The following SLC24A3 variants were observed in gnomAD, a reference collection of about 807,000 sequenced individuals.
SLC24A3 encodes the protein solute carrier family 24 member 3.
A neutral mutation model predicts 75.8 loss-of-function variants in SLC24A3; 28 were observed. The ratio of observed to expected loss-of-function variants is 0.37; its 90% CI spans 0.27 to 0.51. The LOEUF (loss-of-function observed/expected upper bound fraction) is 0.51. Ranked by LOEUF, SLC24A3 falls within the 20% of genes least tolerant of loss-of-function variation. The probability of loss-of-function intolerance (pLI) is 0.94; values close to 1 mark genes in which losing one functional copy is unlikely to be tolerated. For synonymous variants in SLC24A3, 372 were observed against 334.1 expected (o/e 1.11, Z -1.24); for missense variants, 663 against 847.8 (o/e 0.78, Z 2.71).
At chr20:19,567,522 G>T (rs887290950) in intron 3 of SLC24A3, among the ~76,000 whole-genome samples, 1 of 152,304 alleles carries the variant, frequency 6.6e-6, no homozygotes, top group East Asian at 1.9e-4. Context: ...GGGGTGGGAG[G>T]AAGGTGAGGA....
At chr20:19,670,600 G>A (rs375558083) in intron 8 of SLC24A3, among the ~76,000 whole-genome samples, 21 of 152,286 alleles carry the variant, frequency 1.4e-4, no homozygotes, top group African/African-American at 3.6e-4. Flanking sequence ...TCATTTTCTG[G>A]TGACTTCTCA....
At chr20:19,275,189 G>A (rs1393668825) in intron 1 of SLC24A3, among the ~76,000 whole-genome samples, 2 of 152,152 alleles carry the variant, frequency 1.3e-5, no homozygotes, top group Non-Finnish European at 2.9e-5. Flanking sequence ...TGCCCCTAAG[G>A]CCACTTCCCT....
intron 6 of SLC24A3, among the ~76,000 whole-genome samples, chr20:19,626,971 C>G (rs2031874237): frequency 6.6e-6 from 1 of 152,200 alleles, no homozygotes; most frequent in South Asian, 2.1e-4. Flanking sequence ...ATTCCTGCTT[C>G]TAACTGAAAA....
intron 2 of SLC24A3, among the ~76,000 whole-genome samples, chr20:19,422,268 A>C (rs1462950522): frequency 6.6e-6 from 1 of 152,186 alleles, no homozygotes; most frequent in Non-Finnish European, 1.5e-5. Flanking sequence ...TAGCCTCCGC[A>C]CTAAACAGGT....
intron 2 of SLC24A3, among the ~76,000 whole-genome samples, chr20:19,326,887 T>A (rs1354431064): frequency 1.3e-5 from 2 of 152,226 alleles, no homozygotes; most frequent in Admixed American, 1.3e-4. Flanking sequence ...GCTTGTTTCC[T>A]TTGTTTTACA....
chr20:19,289,985 T>C (rs577574763), intron 2 of SLC24A3, among the ~76,000 whole-genome samples: 15 of 152,294 alleles, frequency 9.8e-5, no homozygotes, highest in Non-Finnish European at 1.8e-4. Flanking sequence ...TCACATAATC[T>C]GGGTTGCCAG....
chr20:19,453,307 G>T (rs561561274), intron 2 of SLC24A3, among the ~76,000 whole-genome samples: 15 of 152,226 alleles, frequency 9.9e-5, no homozygotes, highest in Non-Finnish European at 1.6e-4. Context: ...CTATGATCAT[G>T]ATCATGCCAC....
chr20:19,547,252 G>A (rs2030615917), intron 3 of SLC24A3, among the ~76,000 whole-genome samples: 2 of 152,192 alleles, frequency 1.3e-5, no homozygotes, highest in African/African-American at 2.4e-5. Context: ...TGTCCTATAA[G>A]CATTCAGCTA....
intron 13 of SLC24A3, among the ~76,000 whole-genome samples, chr20:19,695,179 A>G (rs749942308): frequency 5.3e-5 from 8 of 152,098 alleles, no homozygotes; most frequent in Admixed American, 2.0e-4. Flanking sequence ...CATCCCCCCA[A>G]TCTTTGAACA....
chr20:19,322,493 A>G (rs1252339414), intron 2 of SLC24A3, among the ~76,000 whole-genome samples: 3 of 151,574 alleles, frequency 2.0e-5, no homozygotes, highest in Non-Finnish European at 4.4e-5. Context: ...CCAATTTTGG[A>G]CATAAGAGCC....
At chr20:19,521,837 G>A (rs928354545) in intron 3 of SLC24A3, among the ~76,000 whole-genome samples, 4 of 152,180 alleles carry the variant, frequency 2.6e-5, no homozygotes, top group Non-Finnish European at 5.9e-5. Context: ...GGTCCTGGCA[G>A]GAGGTGCAGA....
chr20:19,350,533 T>C (rs1392343538), intron 2 of SLC24A3, among the ~76,000 whole-genome samples: 1 of 152,238 alleles, frequency 6.6e-6, no homozygotes, highest in Non-Finnish European at 1.5e-5. Context: ...AAAAGATATG[T>C]GTTGCTGTCT....
chr20:19,314,900 T>G (rs1434414208), intron 2 of SLC24A3, among the ~76,000 whole-genome samples: 1 of 152,236 alleles, frequency 6.6e-6, no homozygotes, highest in Non-Finnish European at 1.5e-5. Flanking sequence ...TTACACATGG[T>G]GTCTGCAATG....
chr20:19,432,085 G>A (rs1344635192), intron 2 of SLC24A3, among the ~76,000 whole-genome samples: 3 of 152,052 alleles, frequency 2.0e-5, no homozygotes, highest in Non-Finnish European at 2.9e-5. Context: ...ATCTGGTTGA[G>A]GTCATCAAAG....
At chr20:19,523,658 T>G (rs186351343) in intron 3 of SLC24A3, among the ~76,000 whole-genome samples, 11 of 152,148 alleles carry the variant, frequency 7.2e-5, no homozygotes, top group Non-Finnish European at 1.6e-4. Context: ...CCCATCTGAG[T>G]CGTAGTCCTG....
intron 2 of SLC24A3, among the ~76,000 whole-genome samples, chr20:19,475,993 A>G (rs6046129): frequency 0.67 from 102,283 of 152,112 alleles, 35,468 homozygotes; most frequent in African/African-American, 0.85. Flanking sequence ...CCTTGGCCAA[A>G]TCAGACAGAA....
At chr20:19,717,004 G>A (rs2033052542) in intron 15 of SLC24A3, among the ~76,000 whole-genome samples, 1 of 152,104 alleles carries the variant, frequency 6.6e-6, no homozygotes, top group African/African-American at 2.4e-5. Context: ...TTTTTCTTCT[G>A]TTTTGTTTGC....
intron 16 of SLC24A3, among the ~76,000 whole-genome samples, chr20:19,719,659 A>T (rs2033081488): frequency 6.6e-6 from 1 of 152,210 alleles, no homozygotes; most frequent in African/African-American, 2.4e-5. Context: ...TGAATGACCC[A>T]CTTAATGTCA....
rs562368137 is a variant in SLC24A3 at position 19,464,385 on chromosome 20, G to A, written c.272-51103G>A. 2.4e-4 allele frequency among the ~76,000 whole-genome samples: 32 copies of A among 130,768 alleles called. No individual in the cohort carries two copies. In the South Asian group the frequency reaches 5.9e-3, roughly 24 times the overall value. The allele number at this position is 130,768 out of a possible 152,430, so 85.8% of individuals were successfully genotyped here. On this transcript the variant is annotated intron_variant, in intron 2 of 16. Transcript: ENST00000328041. The stretch of plus-strand genomic sequence containing the variant: ...ATACCACACACATACGTGCGCACAC[G>A]TGTGTACACACACACACATGCACAC...
Sources: allele counts gnomAD v4.1 joint callset (sites outside exome capture counted in the v4.1 genomes callset), GRCh38; gene constraint gnomAD v4.1.1; transcripts MANE v1.5; gene names NCBI Gene and HGNC (gene_info 2026-07-23, HGNC 2026-07-21).